Variants in CAPSL observed in about 807,000 individuals in gnomAD.
CAPSL encodes the protein calcyphosine like, also known as calcyphosin-like protein.
In CAPSL, 17 loss-of-function variants were observed where a neutral mutation model predicts 21.3. The observed-to-expected ratio is 0.80, with a 90% CI of 0.55 to 1.20. CAPSL has a LOEUF of 1.20. CAPSL is among the 50% of genes most tolerant of loss of function. The pLI, the probability that CAPSL is intolerant of heterozygous loss-of-function variation, is 0.00. For missense variants in CAPSL, 289 were observed against 259.3 expected, an observed-to-expected ratio of 1.11 and a Z score of -0.79; for synonymous variants, 102 against 89.3, an observed-to-expected ratio of 1.14 and a Z score of -0.80.
intron 1 of CAPSL, among the ~76,000 whole-genome samples, chr5:35,923,728 T>A (rs852243): frequency 0.47 from 68,403 of 146,030 alleles, 15,977 homozygotes; most frequent in South Asian, 0.61. Context: ...AGCAAATTAA[T>A]GGTTGCAAGG....
chr5:35,927,849 C>G (rs188719256), intron 1 of CAPSL, among the ~76,000 whole-genome samples: 1 of 152,280 alleles, frequency 6.6e-6, no homozygotes, highest in South Asian at 2.1e-4. Flanking sequence ...TATTACTACA[C>G]GGTAGATGGC....
chr5:35,933,070 T>C (rs755083525), intron 1 of CAPSL, among the ~76,000 whole-genome samples: 30 of 152,332 alleles, frequency 2.0e-4, no homozygotes, highest in Admixed American at 1.3e-4. Context: ...AAAAGTTAAA[T>C]AGTTGCATCA....
intron 1 of CAPSL, among the ~76,000 whole-genome samples, chr5:35,930,673 G>T (rs1467093035): frequency 1.3e-5 from 2 of 152,216 alleles, no homozygotes; most frequent in Non-Finnish European, 2.9e-5. Context: ...AAGAGGAACG[G>T]ATGAGACAGC....
chr5:35,911,911 G>A (rs1580881630), intron 2 of CAPSL, among the ~76,000 whole-genome samples: 1 of 152,156 alleles, frequency 6.6e-6, no homozygotes, highest in African/African-American at 2.4e-5. Flanking sequence ...GCAGGGCAAG[G>A]CATCGCCTCA....
intron 1 of CAPSL, among the ~76,000 whole-genome samples, chr5:35,924,685 C>T (rs1374618415): frequency 6.6e-6 from 1 of 152,182 alleles, no homozygotes; most frequent in East Asian, 1.9e-4. Flanking sequence ...GTACTCTTTT[C>T]GAGGCACTAT....
chr5:35,910,256 C>G, intron 3 of CAPSL, 110 bp downstream of exon 3: 1 of 1,256,298 alleles, frequency 8.0e-7, no homozygotes, highest in South Asian at 1.5e-5. Flanking sequence ...TCTGCTTATC[C>G]CCCTCCCCAC....
At chr5:35,919,265 T>C (rs552059973) in intron 2 of CAPSL, among the ~76,000 whole-genome samples, 91 of 151,340 alleles carry the variant, frequency 6.0e-4, no homozygotes, top group African/African-American at 2.1e-3. Context: ...AAGGTACAGA[T>C]GTGCTAACTC....
chr5:35,926,586 TG>T (rs1405054846), intron 1 of CAPSL, among the ~76,000 whole-genome samples: 1 of 152,228 alleles, frequency 6.6e-6, no homozygotes, highest in African/African-American at 2.4e-5. Context: ...AGAGGACCCT[TG>T]GAAGAGGGAA....
chr5:35,925,243 CA>C (rs1162078067), intron 1 of CAPSL, among the ~76,000 whole-genome samples: 1 of 152,168 alleles, frequency 6.6e-6, no homozygotes, highest in Non-Finnish European at 1.5e-5. Context: ...GGGGGCTGAG[CA>C]GGGGATGCAA....
At position 35,910,399 on chromosome 5, in the gene CAPSL, T is replaced by C. The variant is rs375119792; in HGVS notation, c.282A>G (p.Thr94=). 7.6e-5 allele frequency: 122 copies of C among 1,613,972 alleles called. No individual in the cohort carries two copies. Among genetic ancestry groups the C allele is most frequent in the Admixed American group, 3.8e-4 (23 of 60,008 alleles). ...FRRFDKDGNG[T]IDFNEFLLTL... ...TGAGAAGAAATTCATTGAAGTCTATTGTTCCATTTCCATCTTTATCAAACC... is the reference window on the plus strand; with the variant it reads ...TGAGAAGAAATTCATTGAAGTCTATCGTTCCATTTCCATCTTTATCAAACC... The change falls in exon 3 of 5, where the codon ACA becomes ACG. Residue 94 remains threonine (T), a synonymous_variant. Transcript: ENST00000651391.
intron 1 of CAPSL, among the ~76,000 whole-genome samples, chr5:35,933,737 G>A (rs981965409): frequency 2.0e-5 from 3 of 152,160 alleles, no homozygotes; most frequent in African/African-American, 7.2e-5. Flanking sequence ...AAAGTAAGAA[G>A]AGCTGTCATC....
intron 1 of CAPSL, among the ~76,000 whole-genome samples, chr5:35,937,963 C>T (rs1054266591): frequency 6.6e-6 from 1 of 152,080 alleles, no homozygotes; most frequent in African/African-American, 2.4e-5. Flanking sequence ...AAAGGACCCC[C>T]TCAAGTCTCT....
intron 2 of CAPSL, among the ~76,000 whole-genome samples, chr5:35,918,417 G>A (rs186921939): frequency 5.8e-4 from 88 of 152,186 alleles, no homozygotes; most frequent in African/African-American, 1.5e-3. Context: ...ATGAGATTAC[G>A]TGGACACAAG....
intron 1 of CAPSL, among the ~76,000 whole-genome samples, chr5:35,930,757 T>A (rs78265534): frequency 0.12 from 18,168 of 152,284 alleles, 1,439 homozygotes; most frequent in Non-Finnish European, 0.18. Flanking sequence ...TACAGCTAAT[T>A]TTTTAGACAC....
intron 4 of CAPSL, 119 bp from the exon 5 acceptor site, chr5:35,904,765 T>C (rs1760639625): frequency 7.0e-7 from 1 of 1,433,044 alleles, no homozygotes; most frequent in South Asian, 1.5e-5. Context: ...TATGTGATCA[T>C]GGCTGAGGAA....
intron 2 of CAPSL, among the ~76,000 whole-genome samples, chr5:35,916,463 A>C (rs1738388752): frequency 6.6e-6 from 1 of 152,224 alleles, no homozygotes; most frequent in Non-Finnish European, 1.5e-5. Flanking sequence ...ACTTCAAACT[A>C]TACTACAAGG....
rs942992712 is a variant in CAPSL, at chr5:35,921,251, A to G, written c.1-131T>C. The G allele has an allele frequency of 1.9e-5, 21 of 1,085,958 alleles. No homozygotes were observed. The East Asian group carries it at 4.1e-4, about 21-fold the overall frequency. The allele number at this position is 1,085,958 out of a possible 1,614,324, so 67.3% of individuals were successfully genotyped here. ...GTCAGGAAACCTCTCAGAATTTCCA[A>G]TTTTTCTCTATGCCAACTGTGTGCC... On this transcript the variant is annotated intron_variant, in intron 1 of 4. Coordinates refer to ENST00000651391, the MANE Select transcript of CAPSL (RefSeq NM_001042625.2).
chr5:35,937,774 T>A (rs977400557), intron 1 of CAPSL, among the ~76,000 whole-genome samples: 1 of 151,734 alleles, frequency 6.6e-6, no homozygotes, highest in Non-Finnish European at 1.5e-5. Flanking sequence ...CAAATCTCAA[T>A]ATTTAAAACT....
At chr5:35,919,172 TA>T (rs1561439710) in intron 2 of CAPSL, among the ~76,000 whole-genome samples, 3 of 65,620 alleles carry the variant, frequency 4.6e-5, no homozygotes, top group African/African-American at 1.2e-4. Context: ...AAAAAAAAAA[TA>T]TATATATATA....
Sources: gnomAD v4.1 joint callset for allele counts (sites outside exome capture counted in the v4.1 genomes callset) on GRCh38, gnomAD v4.1.1 for gene constraint, MANE v1.5 for transcripts, NCBI Gene and HGNC (gene_info 2026-07-23, HGNC 2026-07-21) for gene names.